Variants in TMEM185A observed in about 807,000 individuals in gnomAD.
TMEM185A encodes the protein family with sequence similarity 11, member A.
TMEM185A carries 9 observed loss-of-function variants against 25.0 expected under a neutral mutation model. The observed-to-expected ratio is 0.36, with a 90% confidence interval of 0.22 to 0.63. The LOEUF (loss-of-function observed/expected upper bound fraction) is 0.63, where lower values mean the gene tolerates loss of function less well. TMEM185A is among the 20% of genes least tolerant of loss of function. The pLI is 0.68. For synonymous variants in TMEM185A, 45 were observed against 93.5 expected (o/e 0.48, Z 2.99); for missense variants, 103 against 237.4 (o/e 0.43, Z 3.72).
chrX:149,626,166 T>C (rs1300695642), intron 1 of TMEM185A, among the ~76,000 whole-genome samples: 1 of 112,156 alleles, frequency 8.9e-6, no homozygotes. Flanking sequence ...AGCCCCTACA[T>C]TGGGCCTGGC....
intron 1 of TMEM185A, 80 bp downstream of exon 1, chrX:149,631,463 G>C: frequency 9.3e-7 from 1 of 1,072,396 alleles, no homozygotes; most frequent in Non-Finnish European, 1.2e-6. Context: ...CTCGCCCGCC[G>C]TGCCTCCCCG....
chrX:149,613,511 T>C (rs2090095207), intron 1 of TMEM185A, among the ~76,000 whole-genome samples: 1 of 111,755 alleles, frequency 8.9e-6, no homozygotes, highest in African/African-American at 3.3e-5. Flanking sequence ...ATTCTGACAA[T>C]AGCCCAAATG....
chrX:149,625,897 T>G (rs2090160861), intron 1 of TMEM185A, among the ~76,000 whole-genome samples: 1 of 112,229 alleles, frequency 8.9e-6, no homozygotes, highest in South Asian at 3.7e-4. Context: ...GTTTAATCAC[T>G]TACAATTTGT....
intron 1 of TMEM185A, among the ~76,000 whole-genome samples, chrX:149,617,823 A>C (rs782248755): frequency 8.0e-5 from 9 of 112,281 alleles, no homozygotes; most frequent in Non-Finnish European, 1.7e-4. Context: ...ATATCCGTTC[A>C]ATGGAATACT....
chrX:149,621,830 C>T (rs2090141139), intron 1 of TMEM185A, among the ~76,000 whole-genome samples: 1 of 111,587 alleles, frequency 9.0e-6, no homozygotes, highest in Admixed American at 9.5e-5. Context: ...TTCTGTCTCC[C>T]TCTTCTATAT....
intron 1 of TMEM185A, among the ~76,000 whole-genome samples, chrX:149,622,412 C>T (rs1419893418): frequency 9.1e-6 from 1 of 110,449 alleles, no homozygotes; most frequent in Non-Finnish European, 1.9e-5. Flanking sequence ...AAGGAAAATA[C>T]GGAAATGAAC....
intron 1 of TMEM185A, among the ~76,000 whole-genome samples, chrX:149,627,749 TC>T (rs1385230917): frequency 8.9e-6 from 1 of 112,605 alleles, no homozygotes; most frequent in African/African-American, 3.2e-5. Flanking sequence ...TTCTGCTTCT[TC>T]CACTAGGCTT....
intron 1 of TMEM185A, among the ~76,000 whole-genome samples, chrX:149,625,254 G>A (rs1222364633): frequency 3.6e-5 from 4 of 111,467 alleles, no homozygotes; most frequent in Admixed American, 2.9e-4. Context: ...TTCAATCCAC[G>A]GTCTCTCCTG....
At chrX:149,617,280 C>T (rs1243225489) in intron 1 of TMEM185A, among the ~76,000 whole-genome samples, 1 of 111,720 alleles carries the variant, frequency 9.0e-6, no homozygotes, top group Admixed American at 9.5e-5. Flanking sequence ...CCAAAAGATA[C>T]CTATCATTAA....
chrX:149,611,284 T>C lies in TMEM185A; in HGVS notation c.215+3A>G. ...ACCAATGGGTTGTATAAAGCAGTAT[T>C]ACCGATATTGAGGATTTCGTGCCCA... On this transcript the variant is annotated splice_donor_region_variant and intron_variant, in intron 2 of 6. Coordinates refer to ENST00000600449, the MANE Select transcript of TMEM185A (RefSeq NM_032508.4). The C allele has an allele frequency of 8.3e-7, 1 of 1,206,219 alleles. No homozygotes were observed. The highest frequency in any genetic ancestry group is 1.1e-6 in the Non-Finnish European group (1 of 893,028).
At chrX:149,621,223 G>T (rs2090138432) in intron 1 of TMEM185A, among the ~76,000 whole-genome samples, 2 of 88,144 alleles carry the variant, frequency 2.3e-5, no homozygotes, top group Admixed American at 2.2e-4. Context: ...TAAATTGGTG[G>T]GGGGGGGTGG....
chrX:149,612,254 A>G (rs782108575), intron 1 of TMEM185A, among the ~76,000 whole-genome samples: 3 of 112,384 alleles, frequency 2.7e-5, no homozygotes, highest in African/African-American at 9.7e-5. Flanking sequence ...AACAGGTGAG[A>G]AGGAGGAAAT....
chrX:149,603,451 T>G (rs782179192), intron 4 of TMEM185A, among the ~76,000 whole-genome samples: 1 of 111,537 alleles, frequency 9.0e-6, no homozygotes, highest in Non-Finnish European at 1.9e-5. Flanking sequence ...GAAAAGCAAG[T>G]TGGCAGTGCA....
chrX:149,627,811 A>G (rs1557356197), intron 1 of TMEM185A, among the ~76,000 whole-genome samples: 1 of 112,527 alleles, frequency 8.9e-6, no homozygotes, highest in East Asian at 2.8e-4. Flanking sequence ...TAGAGCACCT[A>G]GTACATCACT....
intron 2 of TMEM185A, among the ~76,000 whole-genome samples, chrX:149,610,015 C>T (rs2090073593): frequency 8.9e-6 from 1 of 112,059 alleles, no homozygotes; most frequent in African/African-American, 3.2e-5. Context: ...AACAGCTATA[C>T]ATGAATGTCC....
intron 1 of TMEM185A, among the ~76,000 whole-genome samples, chrX:149,621,852 G>A (rs2090141237): frequency 8.9e-6 from 1 of 111,916 alleles, no homozygotes; most frequent in Non-Finnish European, 1.9e-5. Context: ...TAAGGGCCCT[G>A]TAATTACATT....
At chrX:149,629,943 A>C (rs1223376436) in intron 1 of TMEM185A, among the ~76,000 whole-genome samples, 1 of 112,184 alleles carries the variant, frequency 8.9e-6, no homozygotes, top group Non-Finnish European at 1.9e-5. Flanking sequence ...GATTATACTC[A>C]TTCTACAGAT....
rs139752095 is a variant in TMEM185A at position 149,618,519 on chromosome X, A to G, written c.39-7056T>C. ...TGGCTACGAATATAAGATAATGAGTATAACAAGTGCTTTGTATAAAGCACT... is the reference window on the plus strand; with the variant it reads ...TGGCTACGAATATAAGATAATGAGTGTAACAAGTGCTTTGTATAAAGCACT... On this transcript the variant is annotated intron_variant, in intron 1 of 6. Transcript: ENST00000600449. 5.5e-4 allele frequency among the ~76,000 whole-genome samples: 61 copies of G among 111,613 alleles called. 3 individuals are homozygous for G. In the East Asian group the frequency reaches 7.6e-3, roughly 14 times the overall value.
chrX:149,605,808 C>T (rs782222787), intron 3 of TMEM185A, among the ~76,000 whole-genome samples: 5 of 111,870 alleles, frequency 4.5e-5, no homozygotes, highest in South Asian at 3.8e-4. Context: ...ACTAACCTCC[C>T]GCCTCCAGCC....
Sources: allele counts gnomAD v4.1 joint callset (sites outside exome capture counted in the v4.1 genomes callset), GRCh38; gene constraint gnomAD v4.1.1; transcripts MANE v1.5; gene names NCBI Gene and HGNC (gene_info 2026-07-23, HGNC 2026-07-21).